Variants in S100PBP observed in about 807,000 individuals in gnomAD.
S100PBP encodes the protein S100P binding protein, also known as S100P-binding protein.
S100PBP carries 15 observed loss-of-function variants against 39.9 expected under a neutral mutation model. The observed-to-expected ratio is 0.38, with a 90% CI of 0.25 to 0.58. The LOEUF (loss-of-function observed/expected upper bound fraction) is 0.58. Among genes scored for constraint, S100PBP ranks in the 20% least tolerant of loss-of-function variants. S100PBP has a pLI of 0.70. For missense variants in S100PBP, 504 were observed against 487.3 expected (o/e 1.03, Z -0.32); for synonymous variants, 178 against 180.3 (o/e 0.99, Z 0.10).
At chr1:32,823,398 G>A (rs544024485) in intron 1 of S100PBP, among the ~76,000 whole-genome samples, 35 of 152,338 alleles carry the variant, frequency 2.3e-4, no homozygotes, top group African/African-American at 7.9e-4. Context: ...CATAGAGGCA[G>A]CTGCTTCAAC....
At chr1:32,845,696 T>C (rs1241635447) in intron 5 of S100PBP, among the ~76,000 whole-genome samples, 3 of 151,952 alleles carry the variant, frequency 2.0e-5, no homozygotes, top group Non-Finnish European at 2.9e-5. Context: ...TTTTTTTTTT[T>C]TTAAGATAAA....
At chr1:32,838,710 GCAGGTGCCTGCAATCC>G (rs1287357852) in intron 5 of S100PBP, among the ~76,000 whole-genome samples, 1 of 152,000 alleles carries the variant, frequency 6.6e-6, no homozygotes, top group African/African-American at 2.4e-5. Flanking sequence ...AGGCGTGGTG[GCAGGTGCCTGCAATCC>G]CAGCTACTCT....
At chr1:32,829,569 C>T (rs1639497639) in intron 4 of S100PBP, among the ~76,000 whole-genome samples, 2 of 152,066 alleles carry the variant, frequency 1.3e-5, no homozygotes, top group Admixed American at 1.3e-4. Flanking sequence ...CTCAAGTCAT[C>T]CTCCCTCCTC....
intron 5 of S100PBP, 160 bp from the exon 6 acceptor site, chr1:32,852,919 C>T: frequency 1.8e-6 from 1 of 569,404 alleles, no homozygotes. Context: ...GTAATCTCCC[C>T]ATTCTGGTTT....
At chr1:32,837,565 CAAAAAA>C (rs1278688029) in intron 5 of S100PBP, among the ~76,000 whole-genome samples, 1 of 82,062 alleles carries the variant, frequency 1.2e-5, no homozygotes, top group Non-Finnish European at 2.6e-5. Context: ...AACTCCGTCT[CAAAAAA>C]AAAAAAAAAA....
At chr1:32,844,951 C>G (rs960369192) in intron 5 of S100PBP, among the ~76,000 whole-genome samples, 28 of 151,552 alleles carry the variant, frequency 1.8e-4, no homozygotes, top group Admixed American at 4.0e-4. Flanking sequence ...GCCTCAGCCT[C>G]CCGAGTAGCT....
At chr1:32,827,559 C>T (rs2148646688) in intron 3 of S100PBP, among the ~76,000 whole-genome samples, 1 of 152,270 alleles carries the variant, frequency 6.6e-6, no homozygotes, top group South Asian at 2.1e-4. Flanking sequence ...TCTCGGCTCA[C>T]TGCAACTCCC....
At chr1:32,828,160 T>A in intron 4 of S100PBP, 79 bp downstream of exon 4, 1 of 934,242 alleles carries the variant, frequency 1.1e-6, no homozygotes, top group African/African-American at 1.7e-5. Context: ...AGTTTCCTCT[T>A]AGTGCAGGGA....
chr1:32,831,021 A>G (rs1003020068), intron 5 of S100PBP, among the ~76,000 whole-genome samples: 1 of 151,808 alleles, frequency 6.6e-6, no homozygotes, highest in African/African-American at 2.4e-5. Context: ...CAGAGGTTGC[A>G]GTGAGCCAAG....
chr1:32,824,918 C>T (rs1639259059), intron 1 of S100PBP: 1 of 149,894 alleles, frequency 6.7e-6, no homozygotes, highest in South Asian at 2.1e-4. Flanking sequence ...CCTAGCACCC[C>T]TTTTCCATCC....
intron 5 of S100PBP, among the ~76,000 whole-genome samples, chr1:32,847,119 G>A (rs552396482): frequency 1.8e-4 from 28 of 152,216 alleles, no homozygotes; most frequent in Admixed American, 1.7e-3. Context: ...ATCTAAATAG[G>A]AAAAATAGCC....
Position 32,826,668 on chromosome 1 carries a change from A to G in S100PBP, c.569A>G (p.Glu190Gly). ...AGAGAAGATGGTCTTAGCCCAAATG[A>G]AAGCAAACTTTGTACTGAATCTGAA... ...EMREDGLSPN[E>G]SKLCTESEGI... Residue 190 changes from glutamate (E) to glycine (G), a missense_variant, in exon 3 of 7, where the codon GAA becomes GGA. Transcript: ENST00000373475. 4.3e-6 allele frequency: 7 copies of G among 1,614,176 alleles called. No individual in the cohort carries two copies. The highest frequency in any genetic ancestry group is 5.1e-6 in the Non-Finnish European group (6 of 1,180,034).
intron 5 of S100PBP, among the ~76,000 whole-genome samples, chr1:32,833,151 C>T (rs1285685303): frequency 6.6e-6 from 1 of 152,044 alleles, no homozygotes; most frequent in Non-Finnish European, 1.5e-5. Context: ...TATATTTTTG[C>T]CAAGTGACCG....
chr1:32,832,398 T>G (rs1426186247), intron 5 of S100PBP, among the ~76,000 whole-genome samples: 1 of 152,232 alleles, frequency 6.6e-6, no homozygotes, highest in Non-Finnish European at 1.5e-5. Flanking sequence ...TGAGTACACT[T>G]TCTACTTTTG....
chr1:32,826,713 C>G lies in S100PBP; in HGVS notation c.614C>G (p.Ser205Cys), dbSNP rs1639346516. ...TESEGISPNN[S>C]AWNGPQLSSS... Reference sequence around the variant, plus strand: ...TCTGAAGGGATCAGCCCCAATAACTCTGCCTGGAATGGGCCCCAGCTCTCT... The same window carrying G: ...TCTGAAGGGATCAGCCCCAATAACTGTGCCTGGAATGGGCCCCAGCTCTCT... Residue 205 changes from serine to cysteine, a missense_variant, in exon 3 of 7, where the codon TCT becomes TGT. Ser to Cys is a moderately radical substitution (Grantham distance 112). Coordinates refer to ENST00000373475, the MANE Select transcript of S100PBP (RefSeq NM_022753.4). 2 of 1,614,144 alleles carry G rather than the reference C, an allele frequency of 1.2e-6. No individual in the cohort carries two copies. The highest frequency in any genetic ancestry group is 1.1e-5 in the South Asian group (1 of 91,082).
upstream of S100PBP, chr1:32,817,214 G>A (rs767040968): frequency 1.2e-6 from 2 of 1,614,212 alleles, no homozygotes; most frequent in Admixed American, 3.3e-5. Context: ...ATAAGGTGCA[G>A]TTTCTCTTCA....
At chr1:32,837,565 C>CAA (rs1278688029) in intron 5 of S100PBP, among the ~76,000 whole-genome samples, 3 of 82,054 alleles carry the variant, frequency 3.7e-5, no homozygotes, top group Non-Finnish European at 2.6e-5. Flanking sequence ...AACTCCGTCT[C>CAA]AAAAAAAAAA....
chr1:32,826,621 C>T lies in S100PBP; in HGVS notation c.522C>T (p.Leu174=), dbSNP rs139800145. The T allele has an allele frequency of 7.8e-5, 126 of 1,614,006 alleles. No individual in the cohort carries two copies. Among genetic ancestry groups the T allele is most frequent in the Non-Finnish European group, 1.0e-4 (121 of 1,180,046 alleles). ...ETDSSKDTEK[L]SSLGEEMRED... is the part of the protein sequence containing the mutation. ...ATTCGTCCAAAGATACTGAAAAACT[C>T]TCTTCCCTTGGAGAAGAGATGAGAG... Residue 174 remains leucine, a synonymous_variant, in exon 3 of 7, where the codon CTC becomes CTT. Coordinates refer to ENST00000373475, the MANE Select transcript of S100PBP (RefSeq NM_022753.4).
At chr1:32,841,960 A>G (rs2148673100) in intron 5 of S100PBP, among the ~76,000 whole-genome samples, 1 of 150,982 alleles carries the variant, frequency 6.6e-6, no homozygotes, top group South Asian at 2.1e-4. Flanking sequence ...TCAGGTGGGA[A>G]GATTGCTTGA....
Sources: gnomAD v4.1 joint callset for allele counts (sites outside exome capture counted in the v4.1 genomes callset) on GRCh38, gnomAD v4.1.1 for gene constraint, MANE v1.5 for transcripts, NCBI Gene and HGNC (gene_info 2026-07-23, HGNC 2026-07-21) for gene names.